Variants in KLRK1 observed in about 807,000 individuals in gnomAD.
KLRK1 encodes the protein NKG2-D type II integral membrane protein.
In KLRK1, 40 loss-of-function variants were observed where a neutral mutation model predicts 31.3. The observed-to-expected ratio is 1.28, with a 90% CI of 0.99 to 1.67. KLRK1 has a LOEUF of 1.67. Ranked by LOEUF, KLRK1 falls within the 40% of genes most tolerant of loss-of-function variation. The pLI is 0.00. For synonymous variants in KLRK1, 77 were observed against 77.3 expected (o/e 1.00, Z 0.02); for missense variants, 251 against 260.0 (o/e 0.97, Z 0.24).
chr12:10,386,592 TA>T (rs1863170797), intron 3 of KLRK1, among the ~76,000 whole-genome samples: 1 of 152,026 alleles, frequency 6.6e-6, no homozygotes, highest in African/African-American at 2.4e-5. Flanking sequence ...GGAGGGTTTT[TA>T]AAATATCTTT....
rs1291634256 is a variant in KLRK1 at position 10,379,725 on chromosome 12, T to G, written c.216A>C (p.Thr72=). The G allele has an allele frequency of 6.2e-7, 1 of 1,611,838 alleles. No individual in the cohort carries two copies. Among genetic ancestry groups the G allele is most frequent in the East Asian group, 2.2e-5 (1 of 44,768 alleles). ...AMGIRFIIMV[T]IWSAVFLNSL... ...AGTTTAGGAATACAGCACTCCATAT[T>G]GTTACCATAATAATGAAACGGATTC... is the stretch of plus-strand genomic sequence containing the variant. The change falls in exon 4 of 8, where the codon ACA becomes ACC. Residue 72 remains threonine, a synonymous_variant. Coordinates refer to ENST00000240618, the MANE Select transcript of KLRK1 (RefSeq NM_007360.4).
chr12:10,379,933 G>T, intron 3 of KLRK1, 141 bp from the exon 4 acceptor site: 1 of 610,616 alleles, frequency 1.6e-6, no homozygotes, highest in Non-Finnish European at 2.6e-6. Context: ...TTCCAGAACA[G>T]AACATAAATA....
At chr12:10,379,318 G>T in intron 5 of KLRK1, 129 bp downstream of exon 5, 1 of 355,806 alleles carries the variant, frequency 2.8e-6, no homozygotes, top group Non-Finnish European at 4.7e-6. Flanking sequence ...AAGGAAAACA[G>T]AAGCCATAGT....
At chr12:10,381,539 C>A (rs773616637) in intron 3 of KLRK1, among the ~76,000 whole-genome samples, 2 of 151,806 alleles carry the variant, frequency 1.3e-5, no homozygotes, top group Non-Finnish European at 2.9e-5. Context: ...ACCACCAAAC[C>A]ACAAAGATAA....
chr12:10,382,026 G>A (rs560351966), intron 3 of KLRK1: 1 of 152,222 alleles, frequency 6.6e-6, no homozygotes, highest in South Asian at 2.1e-4. Context: ...TGGGCCAGAG[G>A]TGAATCCACT....
chr12:10,374,792 T>C (rs576651386), intron 7 of KLRK1, among the ~76,000 whole-genome samples: 1 of 152,218 alleles, frequency 6.6e-6, no homozygotes, highest in Non-Finnish European at 1.5e-5. Context: ...ACTGGATTAT[T>C]TGTTTGTAAC....
At chr12:10,382,677 C>A (rs1863097244) in intron 3 of KLRK1, among the ~76,000 whole-genome samples, 1 of 152,036 alleles carries the variant, frequency 6.6e-6, no homozygotes, top group Non-Finnish European at 1.5e-5. Context: ...AAAGTAAGTA[C>A]ACAGACAAAT....
intron 7 of KLRK1, among the ~76,000 whole-genome samples, chr12:10,376,634 A>G (rs1223828030): frequency 6.6e-6 from 1 of 151,872 alleles, no homozygotes; most frequent in African/African-American, 2.4e-5. Context: ...TTAACCTACT[A>G]TAAGAAGACA....
chr12:10,373,040 G>T lies in KLRK1; in HGVS notation c.*74C>A, dbSNP rs1862891191. 1.5e-6 allele frequency: 2 copies of T among 1,319,906 alleles called. No homozygotes were observed. The highest frequency in any genetic ancestry group is 1.5e-5 in the African/African-American group (1 of 67,742). The allele number at this position is 1,319,906 out of a possible 1,614,324, so 81.8% of individuals were successfully genotyped here. The stretch of plus-strand genomic sequence containing the variant: ...GTCCTGTTTTTGTTTGTTTCCTTTA[G>T]TCTCAGTTGGCAGTGTTACCGCTGG... On this transcript the variant is annotated 3_prime_UTR_variant, in exon 8 of 8. Transcript: ENST00000240618.
In KLRK1 at chr12:10,388,783, G is replaced by A; in HGVS notation, c.28C>T (p.Arg10Ter). MGWIRGRRS[R>*]HSWEMSEFHN... ...GGTAAAAACATACCCCAGCTGTGTC[G>A]AGACCTCCGACCACGAATCCACCCC... is the stretch of plus-strand genomic sequence containing the variant. Residue 10 changes from arginine (R) to a stop codon, truncating the protein, a stop_gained, in exon 2 of 8, where the codon CGA becomes TGA. Coordinates refer to ENST00000240618, the MANE Select transcript of KLRK1 (RefSeq NM_007360.4). LOFTEE classifies it high-confidence loss of function. 8 of 1,613,780 alleles carry A rather than the reference G, an allele frequency of 5.0e-6. No homozygotes were observed. Among genetic ancestry groups the A allele is most frequent in the Non-Finnish European group, 6.8e-6 (8 of 1,179,902 alleles).
chr12:10,373,419 A>G (rs1313476201), intron 7 of KLRK1, among the ~76,000 whole-genome samples, 188 bp from the exon 8 acceptor site: 1 of 152,176 alleles, frequency 6.6e-6, no homozygotes, highest in Non-Finnish European at 1.5e-5. Context: ...ATTATAAATA[A>G]TGCGCCACTC....
chr12:10,388,419 GAAACT>G (rs547054660), intron 2 of KLRK1, among the ~76,000 whole-genome samples: 1 of 152,008 alleles, frequency 6.6e-6, no homozygotes, highest in Non-Finnish European at 1.5e-5. Flanking sequence ...GATAGAAAAA[GAAACT>G]AAACTAAACT....
At chr12:10,375,921 A>G (rs756325358) in intron 7 of KLRK1, among the ~76,000 whole-genome samples, 1 of 152,238 alleles carries the variant, frequency 6.6e-6, no homozygotes, top group African/African-American at 2.4e-5. Context: ...TATAAAAACT[A>G]CAGACATGGG....
At chr12:10,373,326 T>A in intron 7 of KLRK1, 95 bp from the exon 8 acceptor site, 1 of 1,042,256 alleles carries the variant, frequency 9.6e-7, no homozygotes, top group Non-Finnish European at 1.4e-6. Context: ...TACAGGAACT[T>A]AATACCATTT....
chr12:10,385,045 C>G (rs1183209682), intron 3 of KLRK1, among the ~76,000 whole-genome samples: 1 of 151,978 alleles, frequency 6.6e-6, no homozygotes, highest in African/African-American at 2.4e-5. Flanking sequence ...TGAATATCAT[C>G]TCACCCTAGT....
intron 7 of KLRK1, among the ~76,000 whole-genome samples, chr12:10,377,231 A>C (rs376971442): frequency 6.6e-6 from 1 of 152,230 alleles, no homozygotes. Flanking sequence ...GTAAAATATC[A>C]TCACCACTTT....
intron 3 of KLRK1, among the ~76,000 whole-genome samples, chr12:10,380,409 G>T (rs926644684): frequency 2.0e-5 from 3 of 152,158 alleles, no homozygotes; most frequent in Non-Finnish European, 2.9e-5. Context: ...ACATAAAGAA[G>T]GAGGAAGCAT....
In KLRK1 at chr12:10,378,213, G is replaced by A. The variant is rs777754717; in HGVS notation, c.452C>T (p.Ser151Leu). 3.1e-6 allele frequency: 5 copies of A among 1,613,400 alleles called. No homozygotes were observed. In the South Asian group the frequency reaches 4.4e-5, roughly 14 times the overall value. Residue 151 changes from serine to leucine, a missense_variant, in exon 7 of 8, where the codon TCA becomes TTA. Coordinates refer to ENST00000240618, the MANE Select transcript of KLRK1 (RefSeq NM_007360.4). ...EDQDLLKLVK[S>L]YHWMGLVHIP... ...GTGTACTAGTCCCATCCAATGATAT[G>A]ACTTCACCAGTTTAAGTAAATCCTG...
Position 10,387,014 on chromosome 12 carries a change from G to A in KLRK1, c.41-4C>T, listed in dbSNP as rs1412622426. On this transcript the variant is annotated splice_region_variant and splice_polypyrimidine_tract_variant and intron_variant, in intron 2 of 7. Transcript: ENST00000240618. ...TAATTATGAAATTCACTCATCTCTA[G>A]AGAAAAAGAATTCAGGCTTATATGA... The A allele has an allele frequency of 6.2e-7, 1 of 1,604,934 alleles. No homozygotes were observed. Among genetic ancestry groups the A allele is most frequent in the East Asian group, 2.3e-5 (1 of 44,314 alleles).
Sources: allele counts gnomAD v4.1 joint callset (sites outside exome capture counted in the v4.1 genomes callset), GRCh38; gene constraint gnomAD v4.1.1; transcripts MANE v1.5; gene names NCBI Gene and HGNC (gene_info 2026-07-23, HGNC 2026-07-21).